The following C10orf53 variants were observed in gnomAD, a reference collection of about 807,000 sequenced individuals.
C10orf53 encodes the protein chromosome 10 open reading frame 53.
In C10orf53, 8 loss-of-function variants were observed where a neutral mutation model predicts 9.4. The observed-to-expected ratio is 0.85, with a 90% CI of 0.50 to 1.53. C10orf53 has a LOEUF of 1.53. Among genes scored for constraint, C10orf53 ranks in the 40% most tolerant of loss-of-function variants. The pLI is 0.00. For missense variants in C10orf53, 117 were observed against 117.8 expected (o/e 0.99, Z 0.03); for synonymous variants, 48 against 46.0 (o/e 1.04, Z -0.18).
At position 49,694,589 on chromosome 10, in the gene C10orf53, T is replaced by C; in HGVS notation, c.269T>C (p.Leu90Pro). The C allele has an allele frequency of 6.2e-7, 1 of 1,614,280 alleles. No individual in the cohort carries two copies. Among genetic ancestry groups the C allele is most frequent in the South Asian group, 1.1e-5 (1 of 91,090 alleles). The part of the protein sequence containing the change: ...PLCEKARIAV[L>P]NAY Reference sequence around the variant, plus strand: ...TGTGAAAAGGCCAGGATAGCCGTGCTGAATGCCTACTGATCTCCTCATGGA... The same window carrying C: ...TGTGAAAAGGCCAGGATAGCCGTGCCGAATGCCTACTGATCTCCTCATGGA... Residue 90 changes from leucine (L) to proline (P), a missense_variant, in exon 3 of 3, where the codon CTG (leucine) becomes CCG (proline). Physicochemically the swap from Leu to Pro is moderately conservative, Grantham distance 98. Coordinates refer to ENST00000374111, the MANE Select transcript of C10orf53 (RefSeq NM_001042427.3).
At chr10:49,694,190 C>G in intron 2 of C10orf53, 1 of 583,746 alleles carries the variant, frequency 1.7e-6, no homozygotes, top group South Asian at 2.3e-5. Flanking sequence ...GGTTTTTGTA[C>G]TTTAATAATA....
At chr10:49,694,420 C>T (rs1221786685) in intron 2 of C10orf53, 118 bp from the exon 3 acceptor site, 3 of 1,367,596 alleles carry the variant, frequency 2.2e-6, no homozygotes, top group Non-Finnish European at 3.0e-6. Flanking sequence ...AACTAGTTAA[C>T]ATTTTACCAG....
intron 2 of C10orf53, among the ~76,000 whole-genome samples, chr10:49,705,010 G>A (rs2132892414): frequency 6.6e-6 from 1 of 152,286 alleles, no homozygotes; most frequent in South Asian, 2.1e-4. Flanking sequence ...AAGATTGAAA[G>A]CTGCCCTGTA....
chr10:49,704,593 A>C (rs2132892083), intron 2 of C10orf53, among the ~76,000 whole-genome samples: 1 of 152,146 alleles, frequency 6.6e-6, no homozygotes, highest in South Asian at 2.1e-4. Flanking sequence ...ATACCAAAAA[A>C]ATTAGCTAGG....
At chr10:49,703,539 C>T (rs1022881467) in intron 2 of C10orf53, among the ~76,000 whole-genome samples, 10 of 152,154 alleles carry the variant, frequency 6.6e-5, no homozygotes, top group African/African-American at 1.7e-4. Flanking sequence ...CCATGTAAGG[C>T]GACCAGCAGC....
downstream of C10orf53, among the ~76,000 whole-genome samples, chr10:49,701,005 T>G (rs186220882): frequency 1.2e-3 from 178 of 150,946 alleles, 1 homozygote; most frequent in African/African-American, 4.2e-3. Flanking sequence ...ACATTTAGGA[T>G]ATATATATAT....
At chr10:49,707,105 A>T (rs1840727554) in intron 2 of C10orf53, among the ~76,000 whole-genome samples, 1 of 152,148 alleles carries the variant, frequency 6.6e-6, no homozygotes, top group Admixed American at 6.5e-5. Context: ...GCTGGCATTC[A>T]TCAATGATCT....
Position 49,708,621 on chromosome 10 carries a change from C to T in C10orf53, c.*4C>T, listed in dbSNP as rs764994479. 53 of 1,613,480 alleles carry T rather than the reference C, an allele frequency of 3.3e-5. No individual in the cohort carries two copies. In the Admixed American group the frequency reaches 8.2e-4, roughly 25 times the overall value. On this transcript the variant is annotated 3_prime_UTR_variant, in exon 3 of 3. Coordinates refer to the C10orf53 transcript ENST00000374112. ...GAGGGGAACTCAGCCCTACTGAAAT[C>T]GACAGGACAGATTGTGGGAAAGGGG...
At chr10:49,693,369 C>T (rs1840602903) in intron 1 of C10orf53, among the ~76,000 whole-genome samples, 1 of 152,174 alleles carries the variant, frequency 6.6e-6, no homozygotes, top group African/African-American at 2.4e-5. Flanking sequence ...TTGGTACGTA[C>T]TGCCAAATTG....
intron 2 of C10orf53, among the ~76,000 whole-genome samples, chr10:49,704,659 G>A (rs538929251): frequency 6.6e-6 from 1 of 152,288 alleles, no homozygotes; most frequent in South Asian, 2.1e-4. Flanking sequence ...TGGGAGAATT[G>A]CTTGAACCCA....
chr10:49,692,160 C>T (rs1424304418), intron 1 of C10orf53, among the ~76,000 whole-genome samples: 1 of 152,162 alleles, frequency 6.6e-6, no homozygotes, highest in South Asian at 2.1e-4. Context: ...GTCGTGGGTC[C>T]AAACTGAGTG....
chr10:49,707,151 A>T (rs1488088032), intron 2 of C10orf53, among the ~76,000 whole-genome samples: 1 of 118,240 alleles, frequency 8.5e-6, no homozygotes, highest in Non-Finnish European at 1.9e-5. Flanking sequence ...ACCATCTCAG[A>T]TGTAACTCCT....
At chr10:49,683,532 G>A (rs1307792062) in intron 1 of C10orf53, among the ~76,000 whole-genome samples, 1 of 152,080 alleles carries the variant, frequency 6.6e-6, no homozygotes, top group Non-Finnish European at 1.5e-5. Context: ...TTTTAATGAA[G>A]TCCAATTTAT....
rs1161942124 is a variant in C10orf53 at position 49,695,996 on chromosome 10, A to G, written c.*1394A>G. 3 of 152,242 alleles carry G rather than the reference A, an allele frequency of 2.0e-5. No individual in the cohort carries two copies. The highest frequency in any genetic ancestry group is 7.2e-5 in the African/African-American group (3 of 41,470). 9.4% of individuals were successfully genotyped at this position (152,242 alleles called of 1,614,324 possible). Reference sequence around the variant, plus strand: ...AGAGAAATCCATTCTCATTAAAGAAAAATGGAAAAATACAGGTAAAAATAA... The same window carrying G: ...AGAGAAATCCATTCTCATTAAAGAAGAATGGAAAAATACAGGTAAAAATAA... On this transcript the variant is annotated 3_prime_UTR_variant, in exon 3 of 3. Transcript: ENST00000374111.
In C10orf53 at chr10:49,708,538, A is replaced by G. The variant is rs779507017; in HGVS notation, c.395A>G (p.Asn132Ser). The change falls in exon 3 of 3, where the codon AAT becomes AGT. Residue 132 changes from asparagine (N) to serine (S), a missense_variant. Physicochemically the swap from Asn to Ser is conservative, Grantham distance 46. Coordinates refer to the C10orf53 transcript ENST00000374112. ...GGATCATGTATCCATTTCCAAACCAATCTTTGTGACCTGGGTTGGCCAGGC... is the reference window on the plus strand; with the variant it reads ...GGATCATGTATCCATTTCCAAACCAGTCTTTGTGACCTGGGTTGGCCAGGC... 17 of 1,614,138 alleles carry G rather than the reference A, an allele frequency of 1.1e-5. No homozygotes were observed. The South Asian group carries it at 1.8e-4, about 17-fold the overall frequency.
chr10:49,708,424 T>C (rs1418200973), exon 3 of C10orf53: 1 of 1,614,070 alleles, frequency 6.2e-7, no homozygotes, highest in African/African-American at 1.3e-5. Context: ...TTTCACCAGC[T>C]TAGCAGCCCG....
chr10:49,705,225 C>T (rs1376527336), intron 2 of C10orf53, among the ~76,000 whole-genome samples: 1 of 152,118 alleles, frequency 6.6e-6, no homozygotes, highest in Non-Finnish European at 1.5e-5. Flanking sequence ...TATGGGTATG[C>T]ATTGAATCTG....
At chr10:49,686,188 C>T (rs749955662) in intron 1 of C10orf53, among the ~76,000 whole-genome samples, 1 of 152,210 alleles carries the variant, frequency 6.6e-6, no homozygotes, top group Non-Finnish European at 1.5e-5. Flanking sequence ...CCTGTCTTTA[C>T]TGCAGTCTCT....
chr10:49,697,574 GAC>G (rs1183252863), downstream of C10orf53, among the ~76,000 whole-genome samples: 1 of 152,084 alleles, frequency 6.6e-6, no homozygotes, highest in Admixed American at 6.5e-5. Flanking sequence ...TTGTTTTTGA[GAC>G]AGTCTTGCTC....
Sources: allele counts gnomAD v4.1 joint callset (sites outside exome capture counted in the v4.1 genomes callset), GRCh38; gene constraint gnomAD v4.1.1; transcripts MANE v1.5; gene names NCBI Gene and HGNC (gene_info 2026-07-23, HGNC 2026-07-21).